Variants in TLK1 observed in about 807,000 individuals in gnomAD.
The protein encoded by TLK1 is tousled like kinase 1.
TLK1 carries 24 observed loss-of-function variants against 105.3 expected under a neutral mutation model. The observed-to-expected ratio is 0.23, with a 90% CI of 0.17 to 0.32. TLK1 has a LOEUF of 0.32. TLK1 is among the 10% of genes least tolerant of loss of function. TLK1 has a pLI of 1.00. For synonymous variants in TLK1, 321 were observed against 310.4 expected, an observed-to-expected ratio of 1.03 and a Z score of -0.36; for missense variants, 558 against 910.5, an observed-to-expected ratio of 0.61 and a Z score of 4.98.
chr2:171,030,953 TTTG>T (rs1328507070), intron 11 of TLK1, among the ~76,000 whole-genome samples: 2 of 152,092 alleles, frequency 1.3e-5, no homozygotes, highest in African/African-American at 2.4e-5. Context: ...GAAACGCTAT[TTTG>T]TTGTTGTGTG....
At chr2:171,041,677 C>T (rs1686684259) in intron 11 of TLK1, among the ~76,000 whole-genome samples, 1 of 152,192 alleles carries the variant, frequency 6.6e-6, no homozygotes, top group African/African-American at 2.4e-5. Flanking sequence ...AGCCATCCCC[C>T]AGCCCCCACC....
At chr2:170,996,539 C>T in intron 20 of TLK1, 114 bp downstream of exon 20, 2 of 748,134 alleles carry the variant, frequency 2.7e-6, no homozygotes, top group Admixed American at 2.9e-5. Context: ...CTGGACAGAT[C>T]CCCTGCAGCA....
intron 10 of TLK1, 72 bp from the exon 11 acceptor site, chr2:171,046,434 C>A: frequency 6.9e-7 from 1 of 1,443,196 alleles, no homozygotes; most frequent in East Asian, 2.3e-5. Context: ...GGAAAAAATG[C>A]ATAAAAAACA....
At chr2:171,217,929 T>C (rs140184105) in intron 1 of TLK1, among the ~76,000 whole-genome samples, 43 of 152,318 alleles carry the variant, frequency 2.8e-4, no homozygotes, top group African/African-American at 1.0e-3. Flanking sequence ...ATGGCTGCTA[T>C]AACAAATTGC....
rs186590960 is a variant in TLK1, at chr2:170,991,368, G to A, written c.*2412C>T. ...AATAGATACCAACTTTCCATGTGAG[G>A]GTAAAAGTAAGTTATTCAATGTGGC... On this transcript the variant is annotated 3_prime_UTR_variant, in exon 21 of 21. Transcript: ENST00000431350. 1.3e-5 allele frequency: 2 copies of A among 152,236 alleles called. No homozygotes were observed. The highest frequency in any genetic ancestry group is 3.9e-4 in the East Asian group (2 of 5,176). 9.4% of individuals were successfully genotyped at this position (152,236 alleles called of 1,614,324 possible). A position where few individuals can be genotyped will look rare whatever the true frequency, so the allele number is the denominator to read the frequency against.
chr2:171,191,768 G>C (rs751194305), intron 1 of TLK1, among the ~76,000 whole-genome samples: 25 of 151,966 alleles, frequency 1.6e-4, no homozygotes, highest in Non-Finnish European at 4.4e-5. Context: ...TCTTTCTACC[G>C]AGGCATAAGA....
chr2:171,059,837 G>T, intron 4 of TLK1: 1 of 783,256 alleles, frequency 1.3e-6, no homozygotes, highest in Non-Finnish European at 2.3e-6. Flanking sequence ...TCACAATAAG[G>T]TTCACACTCC....
intron 2 of TLK1, among the ~76,000 whole-genome samples, chr2:171,115,910 T>C (rs942563982): frequency 2.6e-5 from 4 of 152,230 alleles, no homozygotes; most frequent in Non-Finnish European, 5.9e-5. Flanking sequence ...AGCCAAAATT[T>C]ACCTGATACA....
At chr2:171,044,150 A>G (rs752390699) in intron 11 of TLK1, among the ~76,000 whole-genome samples, 53 of 152,312 alleles carry the variant, frequency 3.5e-4, no homozygotes, top group Admixed American at 5.9e-4. Flanking sequence ...GGCCGGGTGC[A>G]GTGGCTCATG....
chr2:171,194,515 T>C (rs1355791796), intron 1 of TLK1, among the ~76,000 whole-genome samples: 2 of 152,088 alleles, frequency 1.3e-5, no homozygotes, highest in Non-Finnish European at 2.9e-5. Context: ...TGAATAAAAA[T>C]TAAAAGTAAA....
Position 171,214,774 on chromosome 2 carries a change from T to A in TLK1, c.-6+16371A>T, listed in dbSNP as rs576403635. 9.2e-5 allele frequency among the ~76,000 whole-genome samples: 14 copies of A among 152,346 alleles called. 1 individual carries two copies. In the South Asian group the frequency reaches 2.9e-3, roughly 32 times the overall value. ...ATCAATCAGTCATAAGCTGCACTTT[T>A]ATTATTTCTAACAAATTACTTTCTA... On this transcript the variant is annotated intron_variant, in intron 1 of 20. Coordinates refer to the TLK1 transcript ENST00000521943.
At chr2:171,003,216 G>C (rs1469619879) in intron 18 of TLK1, among the ~76,000 whole-genome samples, 1 of 138,752 alleles carries the variant, frequency 7.2e-6, no homozygotes, top group African/African-American at 2.8e-5. Flanking sequence ...GGAGCTTGCA[G>C]TGAGCCGAGA....
intron 12 of TLK1, among the ~76,000 whole-genome samples, chr2:171,021,433 CTTTTTTTTTTTTT>C (rs531522490): frequency 3.4e-5 from 4 of 116,842 alleles, no homozygotes; most frequent in African/African-American, 1.3e-4. Flanking sequence ...CCCGCCCCGA[CTTTTTTTTTTTTT>C]TTTTTTTTTT....
chr2:171,043,436 G>C (rs963868450), intron 11 of TLK1, among the ~76,000 whole-genome samples: 1 of 152,146 alleles, frequency 6.6e-6, no homozygotes, highest in Non-Finnish European at 1.5e-5. Context: ...AGCCATATTA[G>C]GACTTTTGGG....
chr2:171,039,932 G>C (rs1360291251), intron 11 of TLK1, among the ~76,000 whole-genome samples: 1 of 152,050 alleles, frequency 6.6e-6, no homozygotes, highest in Non-Finnish European at 1.5e-5. Context: ...AATCTTGTGA[G>C]AGGTGTAGAA....
At chr2:171,066,472 A>AT (rs1233275737) in intron 3 of TLK1, among the ~76,000 whole-genome samples, 1 of 152,194 alleles carries the variant, frequency 6.6e-6, no homozygotes, top group African/African-American at 2.4e-5. Context: ...CACCTCATAC[A>AT]TTTTTGTAAA....
At chr2:171,146,956 C>T (rs556968665) in intron 1 of TLK1, among the ~76,000 whole-genome samples, 140 of 152,316 alleles carry the variant, frequency 9.2e-4, no homozygotes, top group African/African-American at 3.3e-3. Context: ...CTATAACCTT[C>T]TACTACTAAT....
intron 1 of TLK1, among the ~76,000 whole-genome samples, chr2:171,141,177 A>G (rs1691558944): frequency 6.6e-6 from 1 of 152,210 alleles, no homozygotes; most frequent in South Asian, 2.1e-4. Flanking sequence ...AGATGACAAG[A>G]CAGAAGCACT....
At chr2:171,173,434 C>G (rs556026862) in intron 1 of TLK1, among the ~76,000 whole-genome samples, 1 of 152,048 alleles carries the variant, frequency 6.6e-6, no homozygotes, top group Non-Finnish European at 1.5e-5. Context: ...GTTGCCCAGG[C>G]TGTAGTGCAC....
Sources: allele counts gnomAD v4.1 joint callset (sites outside exome capture counted in the v4.1 genomes callset), GRCh38; gene constraint gnomAD v4.1.1; transcripts MANE v1.5; gene names NCBI Gene and HGNC (gene_info 2026-07-23, HGNC 2026-07-21).